Variants in LHFPL3 observed in about 807,000 individuals in gnomAD.
LHFPL3 encodes LHFPL tetraspan subfamily member 3.
In LHFPL3, 5 loss-of-function variants were observed where a neutral mutation model predicts 19.3. The observed-to-expected ratio is 0.26, with a 90% CI of 0.14 to 0.54. The LOEUF (loss-of-function observed/expected upper bound fraction) is 0.54, where lower values mean the gene tolerates loss of function less well. Ranked by LOEUF, LHFPL3 falls within the 20% of genes least tolerant of loss-of-function variation. The pLI is 0.94. For missense variants in LHFPL3, 249 were observed against 307.4 expected, an observed-to-expected ratio of 0.81 and a Z score of 1.42; for synonymous variants, 133 against 126.2, an observed-to-expected ratio of 1.05 and a Z score of -0.36.
intron 1 of LHFPL3, among the ~76,000 whole-genome samples, chr7:104,336,785 G>A (rs1789817927): frequency 6.6e-6 from 1 of 152,142 alleles, no homozygotes; most frequent in African/African-American, 2.4e-5. Context: ...CTAGTTGCAG[G>A]AAATTTTAAG....
chr7:104,536,122 A>C (rs1381035369), intron 1 of LHFPL3, among the ~76,000 whole-genome samples: 1 of 152,220 alleles, frequency 6.6e-6, no homozygotes, highest in Non-Finnish European at 1.5e-5. Flanking sequence ...ATAAGGGAGA[A>C]CCAAACTCAT....
At chr7:104,568,545 C>T (rs1192115335) in intron 1 of LHFPL3, among the ~76,000 whole-genome samples, 1 of 152,202 alleles carries the variant, frequency 6.6e-6, no homozygotes, top group East Asian at 1.9e-4. Flanking sequence ...TGGATCATCT[C>T]ACTCCCAGTC....
intron 1 of LHFPL3, among the ~76,000 whole-genome samples, chr7:104,577,383 T>C (rs1790358477): frequency 6.6e-6 from 1 of 152,096 alleles, no homozygotes; most frequent in East Asian, 1.9e-4. Flanking sequence ...AAAGAATAAG[T>C]AAGCACAAAA....
chr7:104,463,180 A>G (rs1792710059), intron 1 of LHFPL3, among the ~76,000 whole-genome samples: 1 of 152,184 alleles, frequency 6.6e-6, no homozygotes, highest in Non-Finnish European at 1.5e-5. Context: ...TTTTCAAAAA[A>G]CAAACTCTGT....
chr7:104,430,023 C>G lies in LHFPL3; in HGVS notation c.445+100799C>G, dbSNP rs926724965. ...TGGCTCAATGGCTCCTCAAACCGCT[C>G]TAGCTGCTCAACATCGTCTGAGTGT... On this transcript the variant is annotated intron_variant, in intron 1 of 2. Coordinates refer to ENST00000424859, the MANE Select transcript of LHFPL3 (RefSeq NM_199000.3). Among the ~76,000 whole-genome samples, 4 of 152,152 alleles carry G rather than the reference C, an allele frequency of 2.6e-5. No homozygotes were observed. In the East Asian group the frequency reaches 7.8e-4, roughly 29 times the overall value.
intron 1 of LHFPL3, among the ~76,000 whole-genome samples, chr7:104,644,514 C>T (rs545240855): frequency 6.6e-6 from 1 of 152,190 alleles, no homozygotes; most frequent in Non-Finnish European, 1.5e-5. Context: ...AGGAAAGCAA[C>T]ACCTGGAATC....
intron 1 of LHFPL3, among the ~76,000 whole-genome samples, chr7:104,372,490 T>A (rs1162273185): frequency 6.6e-6 from 1 of 152,160 alleles, no homozygotes; most frequent in Admixed American, 6.5e-5. Flanking sequence ...CAGTTATTGG[T>A]CTACAAACTC....
At chr7:104,582,428 CCTT>C (rs1448003505) in intron 1 of LHFPL3, among the ~76,000 whole-genome samples, 1 of 151,906 alleles carries the variant, frequency 6.6e-6, no homozygotes, top group African/African-American at 2.4e-5. Flanking sequence ...CAGTTTTCCC[CCTT>C]CTTTTCAATC....
intron 1 of LHFPL3, among the ~76,000 whole-genome samples, chr7:104,653,486 G>A (rs185015884): frequency 2.0e-5 from 3 of 152,306 alleles, no homozygotes; most frequent in South Asian, 2.1e-4. Context: ...CTCTGTAAGA[G>A]ACCAGATAGT....
chr7:104,575,153 A>G (rs1366700964), intron 1 of LHFPL3, among the ~76,000 whole-genome samples: 1 of 152,208 alleles, frequency 6.6e-6, no homozygotes, highest in Non-Finnish European at 1.5e-5. Context: ...GATTATTTCA[A>G]TGTCAATGTT....
intron 1 of LHFPL3, among the ~76,000 whole-genome samples, chr7:104,571,340 G>GTT (rs979130568): frequency 6.6e-6 from 1 of 151,434 alleles, no homozygotes; most frequent in Admixed American, 6.6e-5. Context: ...TCAGTCTTCA[G>GTT]TTTTTTTTTC....
chr7:104,624,788 G>A (rs905179901), intron 1 of LHFPL3, among the ~76,000 whole-genome samples: 1 of 152,184 alleles, frequency 6.6e-6, no homozygotes, highest in Non-Finnish European at 1.5e-5. Flanking sequence ...TATGAAAGAT[G>A]TGCTTTTCTT....
At chr7:104,380,240 C>T (rs568270195) in intron 1 of LHFPL3, among the ~76,000 whole-genome samples, 43 of 151,922 alleles carry the variant, frequency 2.8e-4, no homozygotes, top group Non-Finnish European at 5.9e-4. Context: ...ATCCATATGC[C>T]CAGCACACAG....
chr7:104,531,638 C>T (rs1049360212), intron 1 of LHFPL3, among the ~76,000 whole-genome samples: 8 of 152,172 alleles, frequency 5.3e-5, no homozygotes, highest in African/African-American at 1.9e-4. Flanking sequence ...AGGTGTATGA[C>T]ATACACCCAG....
chr7:104,734,664 A>G (rs1458396840), intron 1 of LHFPL3, among the ~76,000 whole-genome samples: 1 of 152,138 alleles, frequency 6.6e-6, no homozygotes, highest in Non-Finnish European at 1.5e-5. Flanking sequence ...ATGGGTTCAA[A>G]CTTCCTCTTT....
chr7:104,347,899 A>AAAG (rs1554378796), intron 1 of LHFPL3, among the ~76,000 whole-genome samples: 5 of 151,570 alleles, frequency 3.3e-5, no homozygotes, highest in Non-Finnish European at 7.4e-5. Context: ...TTAAAAAAAA[A>AAAG]AAACAAAATA....
chr7:104,644,715 TG>T (rs1791900479), intron 1 of LHFPL3, among the ~76,000 whole-genome samples: 1 of 144,594 alleles, frequency 6.9e-6, no homozygotes, highest in Non-Finnish European at 1.5e-5. Context: ...TCTTCTCCCT[TG>T]TTAGTGCCTG....
At chr7:104,790,826 A>T (rs188969240) in intron 2 of LHFPL3, among the ~76,000 whole-genome samples, 17 of 152,218 alleles carry the variant, frequency 1.1e-4, no homozygotes, top group Non-Finnish European at 2.4e-4. Context: ...ACAAATGAAT[A>T]CCTTATATAC....
intron 2 of LHFPL3, among the ~76,000 whole-genome samples, chr7:104,805,315 T>C (rs1411691984): frequency 6.6e-6 from 1 of 152,166 alleles, no homozygotes; most frequent in Non-Finnish European, 1.5e-5. Flanking sequence ...AATATGAAGG[T>C]GCAGAACTAA....
Sources: gnomAD v4.1 joint callset for allele counts (sites outside exome capture counted in the v4.1 genomes callset) on GRCh38, gnomAD v4.1.1 for gene constraint, MANE v1.5 for transcripts, NCBI Gene and HGNC (gene_info 2026-07-23, HGNC 2026-07-21) for gene names.